POMZP3: variants seen among roughly 807,000 people sequenced by gnomAD.
The protein encoded by POMZP3 is POM121 and ZP3 fusion protein.
Under a neutral mutation model 19.8 loss-of-function variants are expected in POMZP3, and 10 were observed. The observed-to-expected ratio is 0.51, with a 90% CI of 0.31 to 0.86. The LOEUF (loss-of-function observed/expected upper bound fraction) is 0.86, where lower values mean the gene tolerates loss of function less well. Ranked by LOEUF, POMZP3 falls within the 40% of genes least tolerant of loss-of-function variation. The pLI, the probability that POMZP3 is intolerant of heterozygous loss-of-function variation, is 0.04. For synonymous variants in POMZP3, 57 were observed against 85.8 expected (o/e 0.66, Z 1.85); for missense variants, 152 against 228.1 (o/e 0.67, Z 2.15).
At position 76,627,265 on chromosome 7, in the gene POMZP3, C is replaced by T. The variant is rs956592933; in HGVS notation, c.-709G>A. On this transcript the variant is annotated 5_prime_UTR_variant, in exon 1 of 7. Transcript: ENST00000310842. ...CCGCCGGAGACATCGCGGCTCCGCG[C>T]CGCGGAGGAGACTTAAATATCCCAG... The T allele has an allele frequency of 7.4e-7, 1 of 1,353,984 alleles. No individual in the cohort carries two copies. The highest frequency in any genetic ancestry group is 9.5e-7 in the Non-Finnish European group (1 of 1,048,350). The allele number at this position is 1,353,984 out of a possible 1,614,324, so 83.9% of individuals were successfully genotyped here.
chr7:76,615,211 T>A lies in POMZP3; in HGVS notation c.345+2972A>T, dbSNP rs1636614. Among the ~76,000 whole-genome samples, 2 of 81,284 alleles carry A rather than the reference T, an allele frequency of 2.5e-5. 1 individual carries two copies. Among genetic ancestry groups the A allele is most frequent in the Non-Finnish European group, 5.4e-5 (2 of 36,836 alleles). The allele number at this position is 81,284 out of a possible 152,430, so 53.3% of individuals were successfully genotyped here. ...CACCTCAGTCCATACCCATGCTGACTGCTACCACCTCTGTGAAAACTTCTC... is the reference window on the plus strand; with the variant it reads ...CACCTCAGTCCATACCCATGCTGACAGCTACCACCTCTGTGAAAACTTCTC... On this transcript the variant is annotated intron_variant, in intron 4 of 6. Transcript: ENST00000310842.
At chr7:76,616,805 G>A (rs1372583537) in intron 4 of POMZP3, among the ~76,000 whole-genome samples, 1 of 93,206 alleles carries the variant, frequency 1.1e-5, no homozygotes, top group Non-Finnish European at 2.3e-5. Context: ...GCAGTGAGCC[G>A]AGACTGTGCC....
At chr7:76,625,426 C>A in intron 3 of POMZP3, 96 bp downstream of exon 3, 1 of 1,584,696 alleles carries the variant, frequency 6.3e-7, no homozygotes, top group Non-Finnish European at 8.6e-7. Context: ...GGCTCACAAA[C>A]TGGAGGTGGC....
chr7:76,619,063 C>G (rs1041281834), intron 3 of POMZP3, among the ~76,000 whole-genome samples: 3 of 152,164 alleles, frequency 2.0e-5, no homozygotes, highest in African/African-American at 7.2e-5. Context: ...GCTGAGATTA[C>G]AGGCATGAGC....
chr7:76,626,285 A>C lies in POMZP3; in HGVS notation c.-151-70T>G, dbSNP rs1195881220. ...ATGTCAAAATTTTAGACGGTTAAAA[A>C]CCCACCAGTTAAGACATTTTCCAAA... On this transcript the variant is annotated intron_variant, in intron 1 of 6. Coordinates refer to ENST00000310842, the MANE Select transcript of POMZP3 (RefSeq NM_012230.5). 5.9e-6 allele frequency: 8 copies of C among 1,366,418 alleles called. No homozygotes were observed. The East Asian group carries it at 1.8e-4, about 30-fold the overall frequency. The allele number at this position is 1,366,418 out of a possible 1,614,324, so 84.6% of individuals were successfully genotyped here. A position where few individuals can be genotyped will look rare whatever the true frequency, so the allele number is the denominator to read the frequency against.
Position 76,626,768 on chromosome 7 carries a change from T to A in POMZP3, c.-212A>T. On this transcript the variant is annotated 5_prime_UTR_variant, in exon 1 of 7. Transcript: ENST00000310842. ...AGTGGGGAGAGAGGGGTAAAAGTGG[T>A]GAACGCGATGGGTCGGCGGGGAGGG... The A allele has an allele frequency of 1.5e-6, 2 of 1,331,428 alleles. No homozygotes were observed. The highest frequency in any genetic ancestry group is 1.9e-6 in the Non-Finnish European group (2 of 1,049,756). 82.5% of individuals were successfully genotyped at this position (1,331,428 alleles called of 1,614,324 possible).
intron 4 of POMZP3, among the ~76,000 whole-genome samples, chr7:76,612,201 A>G (rs1478169915): frequency 7.9e-6 from 1 of 125,804 alleles, no homozygotes; most frequent in African/African-American, 3.3e-5. Flanking sequence ...GTCTCATAAA[A>G]TAAACAGGGG....
chr7:76,618,767 T>A (rs1028820756), intron 3 of POMZP3, among the ~76,000 whole-genome samples: 31 of 151,600 alleles, frequency 2.0e-4, no homozygotes, highest in Admixed American at 9.2e-4. Context: ...CCCCAGAAGG[T>A]AGGGGGATAA....
intron 3 of POMZP3, among the ~76,000 whole-genome samples, chr7:76,623,286 T>C (rs944776136): frequency 6.6e-6 from 1 of 151,968 alleles, no homozygotes; most frequent in Non-Finnish European, 1.5e-5. Context: ...TCAGAAATCC[T>C]ATCTATAGGA....
chr7:76,610,577 G>A (rs1188182563), intron 6 of POMZP3, among the ~76,000 whole-genome samples: 1 of 151,936 alleles, frequency 6.6e-6, no homozygotes, highest in Non-Finnish European at 1.5e-5. Context: ...GCTTGAACCT[G>A]GGAGGCAGAG....
intron 3 of POMZP3, among the ~76,000 whole-genome samples, chr7:76,621,636 C>G (rs1332731416): frequency 6.6e-6 from 1 of 151,640 alleles, no homozygotes; most frequent in East Asian, 2.0e-4. Context: ...AAAGACCTTG[C>G]TGATAAAACA....
At chr7:76,625,218 C>G (rs1055120421) in intron 3 of POMZP3, among the ~76,000 whole-genome samples, 2 of 148,692 alleles carry the variant, frequency 1.3e-5, no homozygotes, top group Non-Finnish European at 3.0e-5. Flanking sequence ...AGACTTAGAG[C>G]CTTCTTTCTT....
chr7:76,624,847 G>C (rs753360661), intron 3 of POMZP3, among the ~76,000 whole-genome samples: 1 of 151,438 alleles, frequency 6.6e-6, no homozygotes, highest in Admixed American at 6.6e-5. Flanking sequence ...CACTAGAACT[G>C]GTGGGCCGGG....
intron 3 of POMZP3, among the ~76,000 whole-genome samples, chr7:76,624,852 G>A (rs923011250): frequency 2.0e-5 from 3 of 151,218 alleles, no homozygotes; most frequent in Admixed American, 2.0e-4. Flanking sequence ...GAACTGGTGG[G>A]CCGGGCGCCG....
At chr7:76,624,638 G>A (rs1041840254) in intron 3 of POMZP3, among the ~76,000 whole-genome samples, 1 of 146,470 alleles carries the variant, frequency 6.8e-6, no homozygotes, top group Admixed American at 6.9e-5. Flanking sequence ...TAGAGACGGG[G>A]TTTCACCATG....
chr7:76,614,687 C>A (rs1214003398), intron 4 of POMZP3, among the ~76,000 whole-genome samples: 1 of 85,452 alleles, frequency 1.2e-5, no homozygotes, highest in Non-Finnish European at 2.3e-5. Context: ...TAGTGAAACC[C>A]CATCTCTACT....
chr7:76,620,005 T>G (rs2116866841), intron 3 of POMZP3, among the ~76,000 whole-genome samples: 1 of 86,392 alleles, frequency 1.2e-5, no homozygotes. Context: ...GGTGACAGGG[T>G]GATATCTTGT....
chr7:76,623,184 G>A (rs533286810), intron 3 of POMZP3, among the ~76,000 whole-genome samples: 273 of 120,454 alleles, frequency 2.3e-3, no homozygotes, highest in African/African-American at 6.9e-3. Context: ...AATTGATTGT[G>A]GTTTTTTTTT....
chr7:76,623,864 G>A (rs1464785551), intron 3 of POMZP3, among the ~76,000 whole-genome samples: 2 of 151,686 alleles, frequency 1.3e-5, no homozygotes, highest in African/African-American at 4.8e-5. Context: ...ACCGTGCTAG[G>A]TTTTTTGAGA....
Sources: gnomAD v4.1 joint callset for allele counts (sites outside exome capture counted in the v4.1 genomes callset) on GRCh38, gnomAD v4.1.1 for gene constraint, MANE v1.5 for transcripts, NCBI Gene and HGNC (gene_info 2026-07-23, HGNC 2026-07-21) for gene names.